The following BRINP1 variants were observed in gnomAD, a reference collection of about 807,000 sequenced individuals.
BRINP1 encodes BMP/retinoic acid-inducible neural-specific protein 1.
A neutral mutation model predicts 72.9 loss-of-function variants in BRINP1; 17 were observed. The observed-to-expected ratio is 0.23, with a 90% CI of 0.16 to 0.35. The LOEUF is 0.35. BRINP1 is among the 10% of genes least tolerant of loss of function. BRINP1 has a pLI of 1.00. For synonymous variants in BRINP1, 418 were observed against 378.5 expected (o/e 1.10, Z -1.21); for missense variants, 850 against 1,001.6 (o/e 0.85, Z 2.04).
In BRINP1 at chr9:119,181,962, A is replaced by G. The variant is rs1829562872; in HGVS notation, c.1146-13738T>C. Among the ~76,000 whole-genome samples the G allele has an allele frequency of 2.0e-5, 3 of 152,208 alleles. No homozygotes were observed. The South Asian group carries it at 6.2e-4, about 31-fold the overall frequency. ...TAAGATGATGTGCATTAAGTTTCTAACATATAGTAGGTACACACTGTCTCT... is the reference window on the plus strand; with the variant it reads ...TAAGATGATGTGCATTAAGTTTCTAGCATATAGTAGGTACACACTGTCTCT... On this transcript the variant is annotated intron_variant, in intron 7 of 7. Coordinates refer to ENST00000265922, the MANE Select transcript of BRINP1 (RefSeq NM_014618.3).
rs951209373 is a variant in BRINP1 at position 119,167,294 on chromosome 9, C to T, written c.2076G>A (p.Val692=). The T allele has an allele frequency of 1.2e-6, 2 of 1,614,198 alleles. No homozygotes were observed. The highest frequency in any genetic ancestry group is 1.7e-6 in the Non-Finnish European group (2 of 1,180,044). The part of the protein sequence containing the change: ...QGGQFYSSSS[V]MLLLLDIRDR... ...CCCGAATATCCAACAAGAGGAGCAT[C>T]ACTGACGAAGAGGAATAGAACTGGC... Residue 692 remains valine, a synonymous_variant, in exon 8 of 8, where the codon GTG becomes GTA. Coordinates refer to ENST00000265922, the MANE Select transcript of BRINP1 (RefSeq NM_014618.3). The surrounding 1 kb of genome is among the most constrained non-coding windows in gnomAD (Gnocchi z 4.3).
chr9:119,179,856 GC>G (rs530085283), intron 7 of BRINP1, among the ~76,000 whole-genome samples: 1 of 152,152 alleles, frequency 6.6e-6, no homozygotes. Context: ...CACCTCAGCT[GC>G]CCCCCTGCAG....
At chr9:119,292,318 C>T (rs985701817) in intron 2 of BRINP1, among the ~76,000 whole-genome samples, 10 of 152,188 alleles carry the variant, frequency 6.6e-5, no homozygotes, top group South Asian at 2.1e-4. Flanking sequence ...ATATAATGGA[C>T]GTAGGATAGA....
chr9:119,355,996 A>T lies in BRINP1; in HGVS notation c.-51+13060T>A, dbSNP rs191728966. Among the ~76,000 whole-genome samples the T allele has an allele frequency of 3.3e-5, 5 of 152,312 alleles. No homozygotes were observed. The East Asian group carries it at 9.7e-4, about 29-fold the overall frequency. ...TTAAAAATTTGGTATAGAGATAAAGATAAGAGACAGAAATAGAGATAGAAA... is the reference window on the plus strand; with the variant it reads ...TTAAAAATTTGGTATAGAGATAAAGTTAAGAGACAGAAATAGAGATAGAAA... On this transcript the variant is annotated intron_variant, in intron 1 of 7. Coordinates refer to ENST00000265922, the MANE Select transcript of BRINP1 (RefSeq NM_014618.3).
intron 7 of BRINP1, 66 bp from the exon 8 acceptor site, chr9:119,168,290 C>CCT: frequency 1.5e-6 from 2 of 1,310,666 alleles, no homozygotes; most frequent in African/African-American, 3.0e-5. Context: ...TACAGTTATC[C>CCT]AACTGATAAT....
Position 119,308,918 on chromosome 9 carries a change from C to A in BRINP1, c.218+4220G>T, listed in dbSNP as rs531716500. Among the ~76,000 whole-genome samples, 23 of 151,942 alleles carry A rather than the reference C, an allele frequency of 1.5e-4. 1 individual carries two copies. The South Asian group carries it at 4.4e-3, about 29-fold the overall frequency. ...GAGTACCATAATTATTCTATTAAAA[C>A]CATCTTTGAAATAATTGCTAAATTT... On this transcript the variant is annotated intron_variant, in intron 2 of 7. Coordinates refer to ENST00000265922, the MANE Select transcript of BRINP1 (RefSeq NM_014618.3).
chr9:119,348,616 C>G lies in BRINP1; in HGVS notation c.-51+20440G>C, dbSNP rs138557143. On this transcript the variant is annotated intron_variant, in intron 1 of 7. Coordinates refer to ENST00000265922, the MANE Select transcript of BRINP1 (RefSeq NM_014618.3). ...CAGCATTTGGCTTGGTCACTGTTCT[C>G]GATTTGGGAAACTTTTATTCTTTAA... Among the ~76,000 whole-genome samples the G allele has an allele frequency of 4.7e-3, 721 of 152,208 alleles. 9 individuals are homozygous for G. The highest frequency in any genetic ancestry group is 0.014 in the African/African-American group (586 of 41,518).
At chr9:119,365,951 C>A (rs1831686489) in intron 1 of BRINP1, among the ~76,000 whole-genome samples, 1 of 152,044 alleles carries the variant, frequency 6.6e-6, no homozygotes, top group African/African-American at 2.4e-5. Flanking sequence ...CTGCCTGCAC[C>A]CCGAAACAGG....
chr9:119,221,651 G>T (rs1177227630), intron 5 of BRINP1, among the ~76,000 whole-genome samples: 2 of 152,150 alleles, frequency 1.3e-5, no homozygotes, highest in Non-Finnish European at 2.9e-5. Context: ...CTTGATATAA[G>T]AATTCGGAAA....
intron 7 of BRINP1, among the ~76,000 whole-genome samples, chr9:119,187,206 C>A (rs914455159): frequency 8.6e-5 from 13 of 151,830 alleles, no homozygotes; most frequent in Admixed American, 3.9e-4. Context: ...GATCATAGGA[C>A]CCCAGTTCCA....
intron 3 of BRINP1, among the ~76,000 whole-genome samples, chr9:119,247,917 T>C (rs952064705): frequency 2.0e-5 from 3 of 152,184 alleles, no homozygotes; most frequent in African/African-American, 7.2e-5. Flanking sequence ...TAGGAATGAA[T>C]AAATTTGCCT....
At chr9:119,313,736 C>G in intron 1 of BRINP1, among the ~76,000 whole-genome samples, 1 of 152,110 alleles carries the variant, frequency 6.6e-6, no homozygotes, top group South Asian at 2.1e-4. Context: ...TGTATCTTGG[C>G]ACTTGGCACA....
At chr9:119,352,130 T>A (rs894433474) in intron 1 of BRINP1, among the ~76,000 whole-genome samples, 7 of 152,044 alleles carry the variant, frequency 4.6e-5, no homozygotes, top group African/African-American at 7.2e-5. Context: ...AAGATAAATG[T>A]TTGTCTTAGG....
At chr9:119,352,217 C>T (rs1432336873) in intron 1 of BRINP1, among the ~76,000 whole-genome samples, 2 of 152,146 alleles carry the variant, frequency 1.3e-5, no homozygotes, top group African/African-American at 2.4e-5. Context: ...ACTATCAGTG[C>T]CTTTGGTCAG....
At chr9:119,219,685 GAGAGAGAGAGAA>G (rs770552074) in intron 5 of BRINP1, among the ~76,000 whole-genome samples, 65 of 114,846 alleles carry the variant, frequency 5.7e-4, no homozygotes, top group Non-Finnish European at 6.2e-4. Flanking sequence ...GAGAGAGAGA[GAGAGAGAGAGAA>G]AGAGATGTAA....
chr9:119,272,116 T>C (rs1384210253), intron 2 of BRINP1, among the ~76,000 whole-genome samples: 1 of 146,582 alleles, frequency 6.8e-6, no homozygotes, highest in Non-Finnish European at 1.5e-5. Context: ...AAACAGCCTG[T>C]CACTCAGGCT....
intron 5 of BRINP1, among the ~76,000 whole-genome samples, chr9:119,235,456 T>A (rs1588172793): frequency 6.6e-6 from 1 of 152,126 alleles, no homozygotes; most frequent in Admixed American, 6.5e-5. Flanking sequence ...CCTATATATC[T>A]TTTTGGCAGA....
In BRINP1 at chr9:119,349,770, CT is replaced by C. The variant is rs1831487822; in HGVS notation, c.-51+19285del. On this transcript the variant is annotated intron_variant, in intron 1 of 7. Coordinates refer to ENST00000265922, the MANE Select transcript of BRINP1 (RefSeq NM_014618.3). Reference sequence around the variant, plus strand: ...AGCGAAAAGCCCCCAGCAGGGGGATCTGTGGAGGGGAAGTGCAGAGGGGAAA... The same window carrying C: ...AGCGAAAAGCCCCCAGCAGGGGGATCGTGGAGGGGAAGTGCAGAGGGGAAA... Among the ~76,000 whole-genome samples the C allele has an allele frequency of 2.6e-5, 4 of 152,146 alleles. No individual in the cohort carries two copies. In the South Asian group the frequency reaches 8.3e-4, roughly 32 times the overall value.
chr9:119,272,938 T>G (rs1389594440), intron 2 of BRINP1, among the ~76,000 whole-genome samples: 1 of 152,176 alleles, frequency 6.6e-6, no homozygotes, highest in African/African-American at 2.4e-5. Flanking sequence ...AATGTGGGCC[T>G]GGGAGAAAGT....
Sources: gnomAD v4.1 joint callset for allele counts (sites outside exome capture counted in the v4.1 genomes callset) on GRCh38, gnomAD v4.1.1 for gene constraint, Gnocchi (gnomAD v3.1) non-coding constraint, MANE v1.5 for transcripts, NCBI Gene and HGNC (gene_info 2026-07-23, HGNC 2026-07-21) for gene names.